CLEC4A: variants seen among roughly 807,000 people sequenced by gnomAD.
The protein encoded by CLEC4A is C-type lectin domain family 4 member A.
CLEC4A carries 27 observed loss-of-function variants against 32.7 expected under a neutral mutation model. The ratio of observed to expected loss-of-function variants is 0.83; its 90% CI spans 0.61 to 1.14. The LOEUF (loss-of-function observed/expected upper bound fraction) is 1.14. CLEC4A is among the 50% of genes most tolerant of loss of function. The pLI, the probability that CLEC4A is intolerant of heterozygous loss-of-function variation, is 0.00. For synonymous variants in CLEC4A, 89 were observed against 93.7 expected (o/e 0.95, Z 0.29); for missense variants, 253 against 274.6 (o/e 0.92, Z 0.55).
intron 3 of CLEC4A, among the ~76,000 whole-genome samples, chr12:8,130,034 C>T (rs1345431346): frequency 6.6e-6 from 1 of 152,130 alleles, no homozygotes; most frequent in East Asian, 1.9e-4. Context: ...TGGAGTTTCA[C>T]CATGTTGCCC....
chr12:8,125,459 A>G (rs989306618), intron 1 of CLEC4A, 102 bp from the exon 2 acceptor site: 2 of 704,016 alleles, frequency 2.8e-6, no homozygotes, highest in Non-Finnish European at 5.2e-6. Context: ...TACCGTTAGT[A>G]ACTGTGTGTC....
chr12:8,127,872 A>G (rs1297300442), intron 2 of CLEC4A, among the ~76,000 whole-genome samples: 7 of 152,182 alleles, frequency 4.6e-5, no homozygotes, highest in Non-Finnish European at 8.8e-5. Flanking sequence ...ACAATATAGG[A>G]TCAGTAGCAG....
rs1305205342 is a variant in CLEC4A at position 8,136,697 on chromosome 12, C to T, written c.451-91C>T. ...GCTCTAATGCAGCTGTTGCTGGATC[C>T]TCTCCTTTTCTTCTTGTTTCTCTAA... On this transcript the variant is annotated intron_variant, in intron 4 of 5. Coordinates refer to ENST00000229332, the MANE Select transcript of CLEC4A (RefSeq NM_016184.4). 5 of 740,090 alleles carry T rather than the reference C, an allele frequency of 6.8e-6. No individual in the cohort carries two copies. The Admixed American group carries it at 8.9e-5, about 13-fold the overall frequency. 45.8% of individuals were successfully genotyped at this position (740,090 alleles called of 1,614,324 possible).
intron 3 of CLEC4A, chr12:8,134,979 G>GTTTTTT (rs1591611840): frequency 0.017 from 2,778 of 163,488 alleles, 516 homozygotes; most frequent in Non-Finnish European, 0.019. Context: ...AAGCGTTTTT[G>GTTTTTT]TTTTTTGTTT....
intron 1 of CLEC4A, among the ~76,000 whole-genome samples, chr12:8,125,145 G>A (rs1947879388): frequency 1.3e-5 from 2 of 151,974 alleles, no homozygotes; most frequent in South Asian, 4.1e-4. Flanking sequence ...ACCATAATAA[G>A]GAGTGTTAAA....
intron 1 of CLEC4A, among the ~76,000 whole-genome samples, chr12:8,124,378 G>T (rs1282177945): frequency 6.6e-6 from 1 of 152,164 alleles, no homozygotes; most frequent in Non-Finnish European, 1.5e-5. Context: ...TAGAGGGAAA[G>T]AGTTTGGGTG....
rs1419871507 is a variant in CLEC4A, at chr12:8,137,599, G to A, written c.567-541G>A. Reference sequence around the variant, plus strand: ...CATACTTTACTGGATTACCACCTTCGATCTTCATATCCACTGTATGAAATA... The same window carrying A: ...CATACTTTACTGGATTACCACCTTCAATCTTCATATCCACTGTATGAAATA... On this transcript the variant is annotated intron_variant, in intron 5 of 5. Transcript: ENST00000229332. 3.3e-5 allele frequency among the ~76,000 whole-genome samples: 5 copies of A among 152,020 alleles called. No individual in the cohort carries two copies. In the East Asian group the frequency reaches 5.8e-4, roughly 18 times the overall value.
At chr12:8,124,183 T>A (rs1192747939) in intron 1 of CLEC4A, among the ~76,000 whole-genome samples, 1 of 152,178 alleles carries the variant, frequency 6.6e-6, no homozygotes, top group African/African-American at 2.4e-5. Flanking sequence ...CAGCCTCCAC[T>A]CTGCTTACTG....
At chr12:8,119,181 G>A (rs1254489552), upstream of CLEC4A, among the ~76,000 whole-genome samples, 1 of 152,188 alleles carries the variant, frequency 6.6e-6, no homozygotes, top group African/African-American at 2.4e-5. Flanking sequence ...TGCAAAAATG[G>A]TCTTAGTCTC....
the CLEC4A span, among the ~76,000 whole-genome samples, chr12:8,107,511 G>C: frequency 6.6e-6 from 1 of 152,046 alleles, no homozygotes; most frequent in Non-Finnish European, 1.5e-5. Context: ...CTGGTCCTGG[G>C]CCTTTTCTGG....
intron 3 of CLEC4A, among the ~76,000 whole-genome samples, chr12:8,129,734 T>C (rs1435661307): frequency 6.6e-6 from 1 of 152,192 alleles, no homozygotes; most frequent in Non-Finnish European, 1.5e-5. Context: ...GAGGTTGCAG[T>C]GAGCCGAGGT....
In CLEC4A at chr12:8,136,823, T is replaced by G. The variant is rs755545607; in HGVS notation, c.486T>G (p.Ala162=). ...TCCAGAATCTGCAAGAAGAATCTGC[T>G]TATTTTGTGGGGCTCTCAGATCCAG... is the stretch of plus-strand genomic sequence containing the variant. The part of the protein sequence containing the change: ...FIFQNLQEES[A]YFVGLSDPEG... The change falls in exon 5 of 6, where the codon GCT becomes GCG. Residue 162 remains alanine, a synonymous_variant. Coordinates refer to ENST00000229332, the MANE Select transcript of CLEC4A (RefSeq NM_016184.4). The G allele has an allele frequency of 6.2e-7, 1 of 1,613,418 alleles. No individual in the cohort carries two copies. The highest frequency in any genetic ancestry group is 2.2e-5 in the East Asian group (1 of 44,870).
chr12:8,120,100 T>C (rs1174289172), upstream of CLEC4A, among the ~76,000 whole-genome samples: 2 of 152,208 alleles, frequency 1.3e-5, no homozygotes, highest in Non-Finnish European at 2.9e-5. Context: ...CTTTAATGTG[T>C]GATAATACAC....
At chr12:8,134,134 T>G in intron 3 of CLEC4A, 1 of 1,603,614 alleles carries the variant, frequency 6.2e-7, no homozygotes, top group Non-Finnish European at 8.5e-7. Context: ...TGCCTCTCAC[T>G]TGGTTCTCGA....
At chr12:8,132,855 A>AT (rs1469648220) in intron 3 of CLEC4A, among the ~76,000 whole-genome samples, 10 of 144,196 alleles carry the variant, frequency 6.9e-5, no homozygotes, top group South Asian at 2.2e-4. Context: ...GGCTCTGTTT[A>AT]TTTTTTTTTC....
chr12:8,110,697 AG>A, the CLEC4A span, among the ~76,000 whole-genome samples: 1 of 152,222 alleles, frequency 6.6e-6, no homozygotes, highest in Non-Finnish European at 1.5e-5. Flanking sequence ...TTTTTAAATT[AG>A]GAATCATGTC....
chr12:8,131,694 A>G (rs939779791), intron 3 of CLEC4A, among the ~76,000 whole-genome samples: 1 of 152,184 alleles, frequency 6.6e-6, no homozygotes, highest in African/African-American at 2.4e-5. Flanking sequence ...GACACATAAA[A>G]TTAACCATCA....
At chr12:8,106,647 A>AT in the CLEC4A span, among the ~76,000 whole-genome samples, 1 of 151,914 alleles carries the variant, frequency 6.6e-6, no homozygotes, top group South Asian at 2.1e-4. Flanking sequence ...TTTTATGATT[A>AT]TTTTTTGTGG....
chr12:8,133,883 C>A, intron 3 of CLEC4A: 1 of 1,586,770 alleles, frequency 6.3e-7, no homozygotes, highest in Non-Finnish European at 8.6e-7. Context: ...GCTCCCATAG[C>A]CTGGGGTACC....
Sources: allele counts gnomAD v4.1 joint callset (sites outside exome capture counted in the v4.1 genomes callset), GRCh38; gene constraint gnomAD v4.1.1; transcripts MANE v1.5; gene names NCBI Gene and HGNC (gene_info 2026-07-23, HGNC 2026-07-21).